ANGPT1: variants seen among roughly 807,000 people sequenced by gnomAD.
The protein encoded by ANGPT1 is angiopoietin-1.
Under a neutral mutation model 62.2 loss-of-function variants are expected in ANGPT1, and 17 were observed. That is an observed-to-expected ratio of 0.27 (90% CI 0.19 to 0.41). ANGPT1 has a LOEUF of 0.41. Ranked by LOEUF, ANGPT1 falls within the 10% of genes least tolerant of loss-of-function variation. The pLI is 1.00. For synonymous variants in ANGPT1, 199 were observed against 198.9 expected (o/e 1.00, Z 0.00); for missense variants, 478 against 594.9 (o/e 0.80, Z 2.04).
chr8:107,382,657 C>T (rs1816662152), intron 1 of ANGPT1, among the ~76,000 whole-genome samples: 1 of 152,002 alleles, frequency 6.6e-6, no homozygotes, highest in Admixed American at 6.6e-5. Flanking sequence ...AAAAAATGTG[C>T]ATAATTGGCT....
chr8:107,385,946 A>G (rs1208184464), intron 1 of ANGPT1, among the ~76,000 whole-genome samples: 1 of 152,194 alleles, frequency 6.6e-6, no homozygotes, highest in Non-Finnish European at 1.5e-5. Context: ...TGATTTGCAT[A>G]TGTTAAACCA....
intron 2 of ANGPT1, among the ~76,000 whole-genome samples, chr8:107,346,346 C>CA: frequency 6.6e-6 from 1 of 152,208 alleles, no homozygotes; most frequent in East Asian, 1.9e-4. Context: ...TGATAGTCAT[C>CA]AAAAATGATA....
At chr8:107,331,324 G>T (rs1338551944) in intron 3 of ANGPT1, among the ~76,000 whole-genome samples, 9 of 152,222 alleles carry the variant, frequency 5.9e-5, no homozygotes. Context: ...TAAGTTCAGT[G>T]AATTCCCAAG....
At chr8:107,445,826 A>G (rs1338669199) in intron 1 of ANGPT1, among the ~76,000 whole-genome samples, 1 of 152,200 alleles carries the variant, frequency 6.6e-6, no homozygotes, top group Non-Finnish European at 1.5e-5. Flanking sequence ...AACCACATAT[A>G]TGATTTTAAA....
chr8:107,497,226 GGTCCGTGCTAT>G (rs770350840), intron 1 of ANGPT1, 25 bp downstream of exon 1: 2 of 1,599,066 alleles, frequency 1.3e-6, no homozygotes, highest in South Asian at 2.3e-5. Context: ...AAAGGAAAAA[GGTCCGTGCTAT>G]TAGAAACTGA....
At chr8:107,295,446 C>T (rs756149456) in intron 5 of ANGPT1, 2 of 152,058 alleles carry the variant, frequency 1.3e-5, no homozygotes, top group Non-Finnish European at 2.9e-5. Flanking sequence ...TACTCAACAA[C>T]CATTCTTGGG....
intron 5 of ANGPT1, among the ~76,000 whole-genome samples, chr8:107,298,664 C>T (rs532208283): frequency 1.3e-5 from 2 of 151,700 alleles, no homozygotes; most frequent in South Asian, 2.1e-4. Context: ...CAATGTCAAT[C>T]GAAAAAATTA....
chr8:107,268,451 C>T (rs1231951129), intron 7 of ANGPT1, among the ~76,000 whole-genome samples: 2 of 148,274 alleles, frequency 1.3e-5, no homozygotes, highest in African/African-American at 5.1e-5. Context: ...TACATAGATA[C>T]AGTCTCTCAC....
At chr8:107,389,877 C>A (rs1286276998) in intron 1 of ANGPT1, among the ~76,000 whole-genome samples, 1 of 151,918 alleles carries the variant, frequency 6.6e-6, no homozygotes, top group African/African-American at 2.4e-5. Context: ...GCTGTACCAT[C>A]CCTCTGTACA....
intron 1 of ANGPT1, among the ~76,000 whole-genome samples, chr8:107,487,564 A>G (rs1309977959): frequency 6.6e-6 from 1 of 152,086 alleles, no homozygotes; most frequent in African/African-American, 2.4e-5. Flanking sequence ...AAAAAGAAAG[A>G]AAAAGAAAAA....
chr8:107,363,950 T>C (rs1273285406), intron 1 of ANGPT1, among the ~76,000 whole-genome samples: 2 of 152,072 alleles, frequency 1.3e-5, no homozygotes, highest in South Asian at 4.1e-4. Context: ...AAAAATATAG[T>C]CCCCTGACTG....
At chr8:107,322,172 T>A (rs1441958300) in intron 3 of ANGPT1, 44 bp from the exon 4 acceptor site, 4 of 1,424,016 alleles carry the variant, frequency 2.8e-6, no homozygotes, top group Admixed American at 2.2e-5. Flanking sequence ...AAAAATGTTA[T>A]ACAAAAAAAC....
intron 1 of ANGPT1, among the ~76,000 whole-genome samples, chr8:107,370,113 GGC>G (rs758476345): frequency 6.8e-6 from 1 of 147,406 alleles, no homozygotes; most frequent in Non-Finnish European, 1.5e-5. Context: ...TTCCAGCCTG[GGC>G]AACAGAGCAA....
chr8:107,422,616 C>T (rs1013452282), intron 1 of ANGPT1, among the ~76,000 whole-genome samples: 4 of 152,066 alleles, frequency 2.6e-5, no homozygotes, highest in African/African-American at 9.7e-5. Context: ...TTAACATAAT[C>T]GCCCACATTT....
intron 1 of ANGPT1, among the ~76,000 whole-genome samples, chr8:107,376,488 C>A (rs149650956): frequency 6.6e-6 from 1 of 152,136 alleles, no homozygotes; most frequent in East Asian, 1.9e-4. Context: ...TTAGAAAGAA[C>A]AGATCTTACA....
intron 1 of ANGPT1, among the ~76,000 whole-genome samples, chr8:107,389,272 G>T (rs1046629834): frequency 6.6e-6 from 1 of 152,114 alleles, no homozygotes; most frequent in Non-Finnish European, 1.5e-5. Flanking sequence ...GGTTTGTTCT[G>T]ATCATGGCAA....
At chr8:107,333,227 T>A (rs1815464586) in intron 3 of ANGPT1, among the ~76,000 whole-genome samples, 1 of 152,156 alleles carries the variant, frequency 6.6e-6, no homozygotes, top group Non-Finnish European at 1.5e-5. Context: ...CTGCCAATAC[T>A]CCATCACACA....
chr8:107,442,685 A>G (rs1292842103), intron 1 of ANGPT1, among the ~76,000 whole-genome samples: 2 of 152,238 alleles, frequency 1.3e-5, no homozygotes, highest in Non-Finnish European at 2.9e-5. Flanking sequence ...TCCCTCAAAT[A>G]TAGTAGTTTT....
At chr8:107,305,130 ATCC>A (rs1447484842) in intron 4 of ANGPT1, among the ~76,000 whole-genome samples, 1 of 152,016 alleles carries the variant, frequency 6.6e-6, no homozygotes, top group Non-Finnish European at 1.5e-5. Context: ...AAAATTTTAA[ATCC>A]CACCTACTGG....
Sources: gnomAD v4.1 joint callset for allele counts (sites outside exome capture counted in the v4.1 genomes callset) on GRCh38, gnomAD v4.1.1 for gene constraint, MANE v1.5 for transcripts, NCBI Gene and HGNC (gene_info 2026-07-23, HGNC 2026-07-21) for gene names.